Variants in PATE2 observed in about 807,000 individuals in gnomAD.
PATE2 encodes prostate and testis expressed 2, also known as prostate and testis expressed protein 2.
PATE2 carries 7 observed loss-of-function variants against 10.5 expected under a neutral mutation model. That is an observed-to-expected ratio of 0.66 (90% CI 0.38 to 1.25). The LOEUF (loss-of-function observed/expected upper bound fraction) is 1.25. Ranked by LOEUF, PATE2 falls within the 50% of genes most tolerant of loss-of-function variation. PATE2 has a pLI of 0.02. For synonymous variants in PATE2, 44 were observed against 46.9 expected, an observed-to-expected ratio of 0.94 and a Z score of 0.25; for missense variants, 133 against 135.4, an observed-to-expected ratio of 0.98 and a Z score of 0.09.
rs920412925 is a variant in PATE2 at position 125,776,455 on chromosome 11, C to A, written c.*927G>T. The A allele has an allele frequency of 1.3e-5, 2 of 152,270 alleles. No homozygotes were observed. The highest frequency in any genetic ancestry group is 2.9e-5 in the Non-Finnish European group (2 of 68,102). The allele number at this position is 152,270 out of a possible 1,614,324, so 9.4% of individuals were successfully genotyped here. On this transcript the variant is annotated 3_prime_UTR_variant, in exon 4 of 4. Transcript: ENST00000358524. Reference sequence around the variant, plus strand: ...CCTTCTTCTCTTCCCACCACTGTTACCCATATATGCTACCTTTCTCACACT... The same window carrying A: ...CCTTCTTCTCTTCCCACCACTGTTAACCATATATGCTACCTTTCTCACACT...
At chr11:125,778,485 A>C in intron 2 of PATE2, 67 bp downstream of exon 2, 1 of 1,525,990 alleles carries the variant, frequency 6.6e-7, no homozygotes, top group Non-Finnish European at 9.1e-7. Context: ...GATGAAGGAA[A>C]GGTTTGCTCC....
chr11:125,777,919 T>A lies in PATE2; in HGVS notation c.160A>T (p.Lys54Ter). Reference sequence around the variant, plus strand: ...AAGTTCTCAACTGCACAGGACTGTTTATGCTTCAGGGAGCAGGATGTCATG... The same window carrying A: ...AAGTTCTCAACTGCACAGGACTGTTAATGCTTCAGGGAGCAGGATGTCATG... ...GVMTSCSLKH[K>*]QSCAVENFYI... The change falls in exon 3 of 4, where the codon AAA (lysine) becomes TAA (stop). Residue 54 changes from lysine to a stop codon, truncating the protein, a stop_gained. Transcript: ENST00000358524. LOFTEE classifies it low-confidence loss of function (END_TRUNC). 6.2e-7 allele frequency: 1 copy of A among 1,613,526 alleles called. No homozygotes were observed. The highest frequency in any genetic ancestry group is 2.2e-5 in the East Asian group (1 of 44,874).
At position 125,776,582 on chromosome 11, in the gene PATE2, C is replaced by T. The variant is rs1283035053; in HGVS notation, c.*800G>A. Reference sequence around the variant, plus strand: ...CTATTATCTTCAACTACTACACCACCTGCCACATTATCAGCATTTTGTTTG... The same window carrying T: ...CTATTATCTTCAACTACTACACCACTTGCCACATTATCAGCATTTTGTTTG... On this transcript the variant is annotated 3_prime_UTR_variant, in exon 4 of 4. Coordinates refer to ENST00000358524, the MANE Select transcript of PATE2 (RefSeq NM_212555.3). 1.3e-5 allele frequency: 2 copies of T among 152,200 alleles called. No homozygotes were observed. The highest frequency in any genetic ancestry group is 4.8e-5 in the African/African-American group (2 of 41,420). The allele number at this position is 152,200 out of a possible 1,614,324, so 9.4% of individuals were successfully genotyped here.
At position 125,777,488 on chromosome 11, in the gene PATE2, G is replaced by A. The variant is rs777712269; in HGVS notation, c.236C>T (p.Ser79Leu). The A allele has an allele frequency of 4.3e-5, 70 of 1,613,508 alleles. No individual in the cohort carries two copies. The highest frequency in any genetic ancestry group is 2.6e-4 in the South Asian group (24 of 91,064). Residue 79 changes from serine (S) to leucine (L), a missense_variant, in exon 4 of 4, where the codon TCG (serine) becomes TTG (leucine). By Grantham distance (145) the Ser-to-Leu change is moderately radical (BLOSUM62 -2). Transcript: ENST00000358524. ...GQSMYHYSKL[S>L]CMTSCEDINF... ...GATGTCCTCACAGCTGGTCATACACGACAGTTTTGAATAATGATACATGCT... is the reference window on the plus strand; with the variant it reads ...GATGTCCTCACAGCTGGTCATACACAACAGTTTTGAATAATGATACATGCT...
Position 125,776,595 on chromosome 11 carries a change from A to C in PATE2, c.*787T>G, listed in dbSNP as rs1479782456. 1 of 152,188 alleles carries C rather than the reference A, an allele frequency of 6.6e-6. No homozygotes were observed. The highest frequency in any genetic ancestry group is 2.4e-5 in the African/African-American group (1 of 41,412). 9.4% of individuals were successfully genotyped at this position (152,188 alleles called of 1,614,324 possible). A position where few individuals can be genotyped will look rare whatever the true frequency, so the allele number is the denominator to read the frequency against. ...CTACTACACCACCTGCCACATTATC[A>C]GCATTTTGTTTGCTCAGTCCCATGA... On this transcript the variant is annotated 3_prime_UTR_variant, in exon 4 of 4. Coordinates refer to ENST00000358524, the MANE Select transcript of PATE2 (RefSeq NM_212555.3).
Position 125,777,166 on chromosome 11 carries a change from A to T in PATE2, c.*216T>A. ...GAGAGCAAAACCCCTCCCACCTGTT[A>T]GCGACAGGGATGTGCAAAGAGTGAG... On this transcript the variant is annotated 3_prime_UTR_variant, in exon 4 of 4. Coordinates refer to ENST00000358524, the MANE Select transcript of PATE2 (RefSeq NM_212555.3). The T allele has an allele frequency of 2.0e-6, 1 of 495,160 alleles. No individual in the cohort carries two copies. The highest frequency in any genetic ancestry group is 3.6e-6 in the Non-Finnish European group (1 of 281,258). The allele number at this position is 495,160 out of a possible 1,614,324, so 30.7% of individuals were successfully genotyped here.
At chr11:125,778,443 T>A (rs1037140102) in intron 2 of PATE2, 109 bp downstream of exon 2, 1 of 1,229,434 alleles carries the variant, frequency 8.1e-7, no homozygotes, top group Non-Finnish European at 1.2e-6. Flanking sequence ...CCTAGGATTC[T>A]ATAATAAGAA....
Position 125,776,430 on chromosome 11 carries a change from CCTT to C in PATE2, c.*949_*951del, listed in dbSNP as rs1451566344. The C allele has an allele frequency of 6.6e-6, 1 of 152,262 alleles. No individual in the cohort carries two copies. The highest frequency in any genetic ancestry group is 2.4e-5 in the African/African-American group (1 of 41,438). The allele number at this position is 152,262 out of a possible 1,614,324, so 9.4% of individuals were successfully genotyped here. On this transcript the variant is annotated 3_prime_UTR_variant, in exon 4 of 4. Coordinates refer to ENST00000358524, the MANE Select transcript of PATE2 (RefSeq NM_212555.3). ...CTCTTCCTATCTGTTTCTGTGTCTTCCTTCTTCTCTTCCCACCACTGTTACCCA... is the reference window on the plus strand; with the variant it reads ...CTCTTCCTATCTGTTTCTGTGTCTTCCTTCTCTTCCCACCACTGTTACCCA...
rs916845490 is a variant in PATE2 at position 125,777,141 on chromosome 11, G to A, written c.*241C>T. 7 of 454,436 alleles carry A rather than the reference G, an allele frequency of 1.5e-5. No individual in the cohort carries two copies. Among genetic ancestry groups the A allele is most frequent in the Non-Finnish European group, 2.4e-5 (6 of 252,112 alleles). 28.2% of individuals were successfully genotyped at this position (454,436 alleles called of 1,614,324 possible). Reference sequence around the variant, plus strand: ...CTTATTCATGGCAGTATCACGTAAGGAGAGCAAAACCCCTCCCACCTGTTA... The same window carrying A: ...CTTATTCATGGCAGTATCACGTAAGAAGAGCAAAACCCCTCCCACCTGTTA... On this transcript the variant is annotated 3_prime_UTR_variant, in exon 4 of 4. Coordinates refer to ENST00000358524, the MANE Select transcript of PATE2 (RefSeq NM_212555.3).
In PATE2 at chr11:125,777,479, G is replaced by A; in HGVS notation, c.245C>T (p.Thr82Ile). 1 of 1,613,702 alleles carries A rather than the reference G, an allele frequency of 6.2e-7. No homozygotes were observed. Residue 82 changes from threonine (T) to isoleucine (I), a missense_variant, in exon 4 of 4, where the codon ACC becomes ATC. Thr to Ile is a moderately conservative substitution (Grantham distance 89, BLOSUM62 -1). Coordinates refer to ENST00000358524, the MANE Select transcript of PATE2 (RefSeq NM_212555.3). The stretch of plus-strand genomic sequence containing the variant: ...CAGGAAGTTGATGTCCTCACAGCTG[G>A]TCATACACGACAGTTTTGAATAATG... The part of the protein sequence containing the change: ...MYHYSKLSCM[T>I]SCEDINFLGF...
Position 125,778,548 on chromosome 11 carries a change from G to T in PATE2, c.76+4C>A, listed in dbSNP as rs746433557. ...CAAGGACTTCAGAGAAGCCATGATTGTACCTTTTATAGGGTCATGAAGTTC... is the reference window on the plus strand; with the variant it reads ...CAAGGACTTCAGAGAAGCCATGATTTTACCTTTTATAGGGTCATGAAGTTC... On this transcript the variant is annotated splice_donor_region_variant and intron_variant, in intron 2 of 3. Transcript: ENST00000358524. The T allele has an allele frequency of 6.2e-6, 10 of 1,613,262 alleles. No homozygotes were observed. The Admixed American group carries it at 1.0e-4, about 16-fold the overall frequency.
chr11:125,778,487 G>T, intron 2 of PATE2, 65 bp downstream of exon 2: 1 of 1,540,584 alleles, frequency 6.5e-7, no homozygotes, highest in Non-Finnish European at 9.0e-7. Context: ...TGAAGGAAAG[G>T]TTTGCTCCTA....
At chr11:125,777,659 G>T in intron 3 of PATE2, 141 bp from the exon 4 acceptor site, 3 of 1,202,616 alleles carry the variant, frequency 2.5e-6, no homozygotes, top group Non-Finnish European at 3.5e-6. Flanking sequence ...GTTAATTGCT[G>T]ACCCAGAGAG....
chr11:125,777,969 T>C lies in PATE2; in HGVS notation c.110A>G (p.Tyr37Cys), dbSNP rs1943502930. 1.9e-6 allele frequency: 3 copies of C among 1,613,104 alleles called. No homozygotes were observed. Among genetic ancestry groups the C allele is most frequent in the Admixed American group, 1.7e-5 (1 of 59,896 alleles). Reference protein sequence around the residue: ...TEIMCYECKKYHLGLCYGVMT... With the variant: ...TEIMCYECKKCHLGLCYGVMT... ...GACACCATAGCATAACCCAAGATGATATTTTTTACATTCATAACACATTAT... is the reference window on the plus strand; with the variant it reads ...GACACCATAGCATAACCCAAGATGACATTTTTTACATTCATAACACATTAT... The change falls in exon 3 of 4, where the codon TAT becomes TGT. Residue 37 changes from tyrosine (Y) to cysteine (C), a missense_variant. Coordinates refer to ENST00000358524, the MANE Select transcript of PATE2 (RefSeq NM_212555.3).
intron 3 of PATE2, 73 bp from the exon 4 acceptor site, chr11:125,777,591 T>A: frequency 6.4e-7 from 1 of 1,569,512 alleles, no homozygotes; most frequent in Non-Finnish European, 8.7e-7. Context: ...AGGAGTAATC[T>A]GTTTTTGTGT....
intron 2 of PATE2, among the ~76,000 whole-genome samples, 154 bp from the exon 3 acceptor site, chr11:125,778,156 C>T (rs1232641744): frequency 6.6e-6 from 1 of 152,032 alleles, no homozygotes; most frequent in Non-Finnish European, 1.5e-5. Flanking sequence ...TAGGGATAAT[C>T]ATGCTGCGGT....
In PATE2 at chr11:125,776,468, C is replaced by A. The variant is rs1477699862; in HGVS notation, c.*914G>T. On this transcript the variant is annotated 3_prime_UTR_variant, in exon 4 of 4. Coordinates refer to ENST00000358524, the MANE Select transcript of PATE2 (RefSeq NM_212555.3). ...CCACCACTGTTACCCATATATGCTA[C>A]CTTTCTCACACTTTCTGCAAACTCA... 3 of 152,288 alleles carry A rather than the reference C, an allele frequency of 2.0e-5. No homozygotes were observed. Among genetic ancestry groups the A allele is most frequent in the Non-Finnish European group, 4.4e-5 (3 of 68,118 alleles). 9.4% of individuals were successfully genotyped at this position (152,288 alleles called of 1,614,324 possible). A position where few individuals can be genotyped will look rare whatever the true frequency, so the allele number is the denominator to read the frequency against.
In PATE2 at chr11:125,778,021, G is replaced by A; in HGVS notation, c.77-19C>T. ...TCAGTCGCTGCCAGATACAAAAAGAGGTGCTTAGAGGATGCAGTCTTGAGA... is the reference window on the plus strand; with the variant it reads ...TCAGTCGCTGCCAGATACAAAAAGAAGTGCTTAGAGGATGCAGTCTTGAGA... On this transcript the variant is annotated intron_variant, in intron 2 of 3. Coordinates refer to ENST00000358524, the MANE Select transcript of PATE2 (RefSeq NM_212555.3). 1 of 1,610,440 alleles carries A rather than the reference G, an allele frequency of 6.2e-7. No individual in the cohort carries two copies. The highest frequency in any genetic ancestry group is 1.3e-5 in the African/African-American group (1 of 74,964).
At chr11:125,778,124 C>T in intron 2 of PATE2, 122 bp from the exon 3 acceptor site, 1 of 1,022,708 alleles carries the variant, frequency 9.8e-7, no homozygotes, top group Non-Finnish European at 1.4e-6. Context: ...GGACCATGGA[C>T]TCTTGGTAAT....
Sources: allele counts gnomAD v4.1 joint callset (sites outside exome capture counted in the v4.1 genomes callset), GRCh38; gene constraint gnomAD v4.1.1; transcripts MANE v1.5; gene names NCBI Gene and HGNC (gene_info 2026-07-23, HGNC 2026-07-21).